The following ALDH1B1 variants were observed in gnomAD, a reference collection of about 807,000 sequenced individuals.
ALDH1B1 encodes aldehyde dehydrogenase family 1 member B1, mitochondrial.
A neutral mutation model predicts 26.2 loss-of-function variants in ALDH1B1; 19 were observed. That is an observed-to-expected ratio of 0.72 (90% confidence interval 0.51 to 1.06). The LOEUF (loss-of-function observed/expected upper bound fraction) is 1.06. ALDH1B1 is among the 50% of genes least tolerant of loss of function. ALDH1B1 has a pLI of 0.00. For synonymous variants in ALDH1B1, 249 were observed against 286.0 expected (o/e 0.87, Z 1.31); for missense variants, 671 against 683.1 (o/e 0.98, Z 0.20).
At position 38,396,068 on chromosome 9, in the gene ALDH1B1, G is replaced by A. The variant is rs2073478; in HGVS notation, c.320G>A (p.Arg107His). The change falls in exon 2 of 2, where the codon CGC becomes CAC. Residue 107 changes from arginine to histidine, a missense_variant. Coordinates refer to ENST00000377698, the MANE Select transcript of ALDH1B1 (RefSeq NM_000692.5). ...TCTGAGCGGGGCCGGCTGCTGAACC[G>A]CCTGGCAGACCTAGTGGAGCGGGAT... ...DASERGRLLN[R>H]LADLVERDRV... 31 of 1,613,770 alleles carry A rather than the reference G, an allele frequency of 1.9e-5. No individual in the cohort carries two copies. The highest frequency in any genetic ancestry group is 5.5e-5 in the South Asian group (5 of 91,086).
At chr9:38,394,475 A>C in intron 1 of ALDH1B1, 4 of 495,074 alleles carry the variant, frequency 8.1e-6, no homozygotes, top group Non-Finnish European at 1.0e-5. Flanking sequence ...GTTTTTTTGT[A>C]GAGACACGGT....
In ALDH1B1 at chr9:38,396,541, G is replaced by A. The variant is rs770780314; in HGVS notation, c.793G>A (p.Glu265Lys). 1.4e-5 allele frequency: 22 copies of A among 1,613,768 alleles called. No individual in the cohort carries two copies. The highest frequency in any genetic ancestry group is 5.0e-5 in the Admixed American group (3 of 60,014). ...VDKVAFTGSTEVGHLIQKAAG... is the reference protein window; with the variant it reads ...VDKVAFTGSTKVGHLIQKAAG... Reference sequence around the variant, plus strand: ...CAAAGTTGCCTTCACCGGTTCCACCGAGGTGGGCCACCTGATCCAGAAAGC... The same window carrying A: ...CAAAGTTGCCTTCACCGGTTCCACCAAGGTGGGCCACCTGATCCAGAAAGC... Residue 265 changes from glutamate to lysine, a missense_variant, in exon 2 of 2, where the codon GAG becomes AAG. Transcript: ENST00000377698.
At position 38,395,931 on chromosome 9, in the gene ALDH1B1, C is replaced by T. The variant is rs2073477; in HGVS notation, c.183C>T (p.Thr61=). The T allele has an allele frequency of 0.15, 247,047 of 1,613,694 alleles. 22,051 individuals carry two copies. The highest frequency in any genetic ancestry group is 0.36 in the East Asian group (16,314 of 44,858). ...CCTTCCCGACGGTCAACCCTACCAC[C>T]GGGGAGGTCATTGGGCACGTGGCTG... The part of the protein sequence containing the change: ...KKTFPTVNPT[T]GEVIGHVAEG... Residue 61 remains threonine, a synonymous_variant, in exon 2 of 2, where the codon ACC becomes ACT. Coordinates refer to ENST00000377698, the MANE Select transcript of ALDH1B1 (RefSeq NM_000692.5).
At position 38,395,900 on chromosome 9, in the gene ALDH1B1, A is replaced by G. The variant is rs756777885; in HGVS notation, c.152A>G (p.Lys51Arg). The change falls in exon 2 of 2, where the codon AAG becomes AGG. Residue 51 changes from lysine to arginine, a missense_variant. Transcript: ENST00000377698. ...AATGAATGGCAAGATGCAGTCAGCA[A>G]GAAGACCTTCCCGACGGTCAACCCT... ...INNEWQDAVSKKTFPTVNPTT... is the reference protein window; with the variant it reads ...INNEWQDAVSRKTFPTVNPTT... 29 of 1,613,954 alleles carry G rather than the reference A, an allele frequency of 1.8e-5. No homozygotes were observed. Among genetic ancestry groups the G allele is most frequent in the Non-Finnish European group, 2.4e-5 (28 of 1,180,030 alleles).
rs753228173 is a variant in ALDH1B1, at chr9:38,397,259, A to G, written c.1511A>G (p.Glu504Gly). 1 of 1,613,976 alleles carries G rather than the reference A, an allele frequency of 6.2e-7. No homozygotes were observed. The highest frequency in any genetic ancestry group is 8.5e-7 in the Non-Finnish European group (1 of 1,179,886). ...GAGGATGGGCTTAAGGCCTACACAG[A>G]GGTAAAGACGGTCACCATCAAGGTT... The part of the protein sequence containing the change: ...LGEDGLKAYT[E>G]VKTVTIKVPQ... The change falls in exon 2 of 2, where the codon GAG becomes GGG. Residue 504 changes from glutamate to glycine, a missense_variant. Physicochemically the swap from Glu to Gly is moderately conservative, Grantham distance 98. Coordinates refer to ENST00000377698, the MANE Select transcript of ALDH1B1 (RefSeq NM_000692.5).
rs1252025111 is a variant in ALDH1B1, at chr9:38,398,397, C to G, written c.*1095C>G. 1 of 153,624 alleles carries G rather than the reference C, an allele frequency of 6.5e-6. No homozygotes were observed. The highest frequency in any genetic ancestry group is 2.5e-5 in the African/African-American group (1 of 40,704). The allele number at this position is 153,624 out of a possible 1,614,324, so 9.5% of individuals were successfully genotyped here. A position where few individuals can be genotyped will look rare whatever the true frequency, so the allele number is the denominator to read the frequency against. Reference sequence around the variant, plus strand: ...TGGTGTGATCTCGTCTCACTGCAACCTCCGCCTCCCAGATTCAAGCGATTC... The same window carrying G: ...TGGTGTGATCTCGTCTCACTGCAACGTCCGCCTCCCAGATTCAAGCGATTC... On this transcript the variant is annotated 3_prime_UTR_variant, in exon 2 of 2. Coordinates refer to ENST00000377698, the MANE Select transcript of ALDH1B1 (RefSeq NM_000692.5).
intron 1 of ALDH1B1, among the ~76,000 whole-genome samples, chr9:38,394,176 G>C (rs1276750073): frequency 6.6e-6 from 1 of 152,216 alleles, no homozygotes; most frequent in Non-Finnish European, 1.5e-5. Flanking sequence ...CCTCTGCGCA[G>C]AAGTAAAATT....
chr9:38,393,752 G>T (rs940102526), intron 1 of ALDH1B1, among the ~76,000 whole-genome samples: 1 of 152,088 alleles, frequency 6.6e-6, no homozygotes, highest in Non-Finnish European at 1.5e-5. Flanking sequence ...GCTTCCCCCT[G>T]TGGGATATGA....
At chr9:38,392,896 C>T (rs867503908) in intron 1 of ALDH1B1, 89 bp downstream of exon 1, 5 of 985,996 alleles carry the variant, frequency 5.1e-6, no homozygotes, top group Middle Eastern at 5.2e-4. Context: ...CCGCGGCGTC[C>T]GCATCTGGGG....
rs1171023802 is a variant in ALDH1B1, at chr9:38,394,252, C to T, written c.-10+1445C>T. 3.3e-5 allele frequency among the ~76,000 whole-genome samples: 5 copies of T among 152,128 alleles called. No homozygotes were observed. In the East Asian group the frequency reaches 9.6e-4, roughly 29 times the overall value. On this transcript the variant is annotated intron_variant, in intron 1 of 1. Transcript: ENST00000377698. Reference sequence around the variant, plus strand: ...AGGATTTTGAGCATTATTCCTAACACCCGCAAGGGGAAGGGAAACTTTCTT... The same window carrying T: ...AGGATTTTGAGCATTATTCCTAACATCCGCAAGGGGAAGGGAAACTTTCTT...
rs1821325630 is a variant in ALDH1B1 at position 38,398,158 on chromosome 9, A to C, written c.*856A>C. 1 of 167,140 alleles carries C rather than the reference A, an allele frequency of 6.0e-6. No individual in the cohort carries two copies. Among genetic ancestry groups the C allele is most frequent in the Non-Finnish European group, 1.5e-5 (1 of 68,156 alleles). 10.4% of individuals were successfully genotyped at this position (167,140 alleles called of 1,614,324 possible). A position where few individuals can be genotyped will look rare whatever the true frequency, so the allele number is the denominator to read the frequency against. On this transcript the variant is annotated 3_prime_UTR_variant, in exon 2 of 2. Coordinates refer to ENST00000377698, the MANE Select transcript of ALDH1B1 (RefSeq NM_000692.5). ...CATAGATTAGTGGTTGCCAGGGGAT[A>C]GAGGAGTAATTGTTAGTGGGCATGG...
Position 38,397,599 on chromosome 9 carries a change from A to G in ALDH1B1, c.*297A>G, listed in dbSNP as rs1182958937. On this transcript the variant is annotated 3_prime_UTR_variant, in exon 2 of 2. Coordinates refer to ENST00000377698, the MANE Select transcript of ALDH1B1 (RefSeq NM_000692.5). Reference sequence around the variant, plus strand: ...ACAGATTAAAAACCAGTGATCTGTAATTTGTAGCTCTTCCTGCTGATCCAA... The same window carrying G: ...ACAGATTAAAAACCAGTGATCTGTAGTTTGTAGCTCTTCCTGCTGATCCAA... 3 of 331,424 alleles carry G rather than the reference A, an allele frequency of 9.1e-6. No individual in the cohort carries two copies. Among genetic ancestry groups the G allele is most frequent in the Middle Eastern group, 8.9e-4 (1 of 1,128 alleles). The allele number at this position is 331,424 out of a possible 1,614,324, so 20.5% of individuals were successfully genotyped here.
At chr9:38,393,054 G>A (rs1440059571) in intron 1 of ALDH1B1, among the ~76,000 whole-genome samples, 4 of 152,162 alleles carry the variant, frequency 2.6e-5, no homozygotes, top group African/African-American at 9.7e-5. Context: ...CTGCCCACTC[G>A]GCCCACTTCA....
Position 38,396,151 on chromosome 9 carries a change from T to G in ALDH1B1, c.403T>G (p.Tyr135Asp). ...LDNGKPFQESYALDLDEVIKV... is the reference protein window; with the variant it reads ...LDNGKPFQESDALDLDEVIKV... Reference sequence around the variant, plus strand: ...CAATGGGAAGCCTTTCCAAGAGTCTTACGCCTTGGACTTGGATGAGGTCAT... The same window carrying G: ...CAATGGGAAGCCTTTCCAAGAGTCTGACGCCTTGGACTTGGATGAGGTCAT... Residue 135 changes from tyrosine (Y) to aspartate (D), a missense_variant, in exon 2 of 2, where the codon TAC (tyrosine) becomes GAC (aspartate). Transcript: ENST00000377698. The G allele has an allele frequency of 6.2e-7, 1 of 1,614,216 alleles. No individual in the cohort carries two copies. The highest frequency in any genetic ancestry group is 8.5e-7 in the Non-Finnish European group (1 of 1,180,038).
chr9:38,395,859 C>T lies in ALDH1B1; in HGVS notation c.111C>T (p.Asn37=). ...SPILNPDIPY[N]QLFINNEWQD... ...TTCTGAACCCAGACATCCCCTACAA[C>T]CAGCTGTTCATCAACAATGAATGGC... The change falls in exon 2 of 2, where the codon AAC becomes AAT. Residue 37 remains asparagine (N), a synonymous_variant. Coordinates refer to ENST00000377698, the MANE Select transcript of ALDH1B1 (RefSeq NM_000692.5). The T allele has an allele frequency of 1.9e-6, 3 of 1,613,654 alleles. No homozygotes were observed. Among genetic ancestry groups the T allele is most frequent in the Non-Finnish European group, 2.5e-6 (3 of 1,180,038 alleles).
chr9:38,393,125 C>T (rs950368757), intron 1 of ALDH1B1, among the ~76,000 whole-genome samples: 39 of 152,230 alleles, frequency 2.6e-4, no homozygotes, highest in African/African-American at 9.4e-4. Context: ...CGCCCTTTCC[C>T]CCGCAGAAGG....
In ALDH1B1 at chr9:38,396,447, G is replaced by C; in HGVS notation, c.699G>C (p.Gly233=). Residue 233 remains glycine (G), a synonymous_variant, in exon 2 of 2, where the codon GGG becomes GGC. Coordinates refer to ENST00000377698, the MANE Select transcript of ALDH1B1 (RefSeq NM_000692.5). ...TCAAGGAGGCAGGCTTTCCCCCTGGGGTGGTGAACATCATCACGGGGTATG... is the reference window on the plus strand; with the variant it reads ...TCAAGGAGGCAGGCTTTCCCCCTGGCGTGGTGAACATCATCACGGGGTATG... ...SLIKEAGFPP[G]VVNIITGYGP... is the part of the protein sequence containing the mutation. The C allele has an allele frequency of 6.2e-7, 1 of 1,614,142 alleles. No individual in the cohort carries two copies. Among genetic ancestry groups the C allele is most frequent in the Non-Finnish European group, 8.5e-7 (1 of 1,180,030 alleles).
intron 1 of ALDH1B1, among the ~76,000 whole-genome samples, chr9:38,393,630 C>A (rs1177902500): frequency 6.6e-6 from 1 of 152,128 alleles, no homozygotes; most frequent in Admixed American, 6.5e-5. Context: ...TCCTTTTGGT[C>A]TCCTCACCCT....
In ALDH1B1 at chr9:38,397,231, G is replaced by A. The variant is rs1336485424; in HGVS notation, c.1483G>A (p.Gly495Ser). The A allele has an allele frequency of 6.2e-7, 1 of 1,614,122 alleles. No individual in the cohort carries two copies. Among genetic ancestry groups the A allele is most frequent in the South Asian group, 1.1e-5 (1 of 91,056 alleles). ...GGAATCTGGAAACGGGAGGGAGCTGGGTGAGGATGGGCTTAAGGCCTACAC... is the reference window on the plus strand; with the variant it reads ...GGAATCTGGAAACGGGAGGGAGCTGAGTGAGGATGGGCTTAAGGCCTACAC... ...FKESGNGREL[G>S]EDGLKAYTEV... is the part of the protein sequence containing the mutation. The change falls in exon 2 of 2, where the codon GGT becomes AGT. Residue 495 changes from glycine (G) to serine (S), a missense_variant. Coordinates refer to ENST00000377698, the MANE Select transcript of ALDH1B1 (RefSeq NM_000692.5).
Sources: gnomAD v4.1 joint callset for allele counts (sites outside exome capture counted in the v4.1 genomes callset) on GRCh38, gnomAD v4.1.1 for gene constraint, MANE v1.5 for transcripts, NCBI Gene and HGNC (gene_info 2026-07-23, HGNC 2026-07-21) for gene names.